GALK2: variants seen among roughly 807,000 people sequenced by gnomAD.
The protein encoded by GALK2 is N-acetylgalactosamine kinase.
Under a neutral mutation model 52.4 loss-of-function variants are expected in GALK2, and 36 were observed. That is an observed-to-expected ratio of 0.69 (90% confidence interval 0.53 to 0.91). The LOEUF is 0.91. GALK2 is among the 40% of genes least tolerant of loss of function. GALK2 has a pLI of 0.00. For missense variants in GALK2, 579 were observed against 559.1 expected, an observed-to-expected ratio of 1.04 and a Z score of -0.36; for synonymous variants, 176 against 199.1, an observed-to-expected ratio of 0.88 and a Z score of 0.98.
At chr15:49,354,188 C>T (rs546783308) in intron 3 of GALK2, among the ~76,000 whole-genome samples, 1 of 152,270 alleles carries the variant, frequency 6.6e-6, no homozygotes, top group South Asian at 2.1e-4. Flanking sequence ...TGAGTTTAAA[C>T]AAGTCATTCC....
At chr15:49,339,823 C>T (rs890601550) in intron 3 of GALK2, among the ~76,000 whole-genome samples, 12 of 152,098 alleles carry the variant, frequency 7.9e-5, no homozygotes, top group African/African-American at 1.4e-4. Flanking sequence ...ATGCCCTGCC[C>T]GTAGAGGAAT....
At chr15:49,230,088 G>T (rs2090417235) in intron 3 of GALK2, among the ~76,000 whole-genome samples, 2 of 152,172 alleles carry the variant, frequency 1.3e-5, no homozygotes, top group Non-Finnish European at 2.9e-5. Flanking sequence ...GTGTCTGTGG[G>T]TAGGGGACAT....
chr15:49,299,451 T>G (rs930681353), intron 8 of GALK2, among the ~76,000 whole-genome samples: 1 of 152,190 alleles, frequency 6.6e-6, no homozygotes, highest in East Asian at 1.9e-4. Context: ...TTGCTATTGT[T>G]TTCCTAGTTC....
At chr15:49,334,584 G>A (rs1415021892), downstream of GALK2, among the ~76,000 whole-genome samples, 1 of 152,138 alleles carries the variant, frequency 6.6e-6, no homozygotes, top group African/African-American at 2.4e-5. Flanking sequence ...AGCACAGGAA[G>A]TCTAAGGGAT....
chr15:49,180,220 A>G (rs2085854257), intron 1 of GALK2, among the ~76,000 whole-genome samples: 1 of 152,196 alleles, frequency 6.6e-6, no homozygotes, highest in Non-Finnish European at 1.5e-5. Flanking sequence ...CAGTCCTTAT[A>G]AAAACAAATT....
chr15:49,300,772 C>T (rs188782104), intron 8 of GALK2, among the ~76,000 whole-genome samples: 4 of 152,290 alleles, frequency 2.6e-5, no homozygotes, highest in Admixed American at 2.6e-4. Context: ...GTTTGCTTCT[C>T]ATTCCGCCAT....
At chr15:49,356,998 G>A (rs2043271855) in intron 3 of GALK2, among the ~76,000 whole-genome samples, 2 of 150,782 alleles carry the variant, frequency 1.3e-5, no homozygotes, top group Admixed American at 6.6e-5. Context: ...GGTACATAAC[G>A]AAATGAAGGC....
At chr15:49,324,767 T>A (rs1471954959) in intron 9 of GALK2, among the ~76,000 whole-genome samples, 1 of 152,026 alleles carries the variant, frequency 6.6e-6, no homozygotes, top group Non-Finnish European at 1.5e-5. Context: ...GCTTATATTA[T>A]ATATAATTTT....
At chr15:49,230,496 G>C (rs1302277843) in intron 3 of GALK2, among the ~76,000 whole-genome samples, 1 of 152,136 alleles carries the variant, frequency 6.6e-6, no homozygotes, top group Non-Finnish European at 1.5e-5. Context: ...GTTGAATTCA[G>C]TGTTCTCTCT....
chr15:49,287,421 A>G (rs944660605), intron 7 of GALK2, among the ~76,000 whole-genome samples: 9 of 152,244 alleles, frequency 5.9e-5, no homozygotes, highest in Non-Finnish European at 1.0e-4. Context: ...GGAAATGAAG[A>G]TAAAACTGCT....
intron 3 of GALK2, among the ~76,000 whole-genome samples, chr15:49,232,290 A>G (rs1431455527): frequency 6.6e-6 from 1 of 152,022 alleles, no homozygotes; most frequent in East Asian, 1.9e-4. Flanking sequence ...CCTTTCAGCC[A>G]CCCCTGGAGG....
At chr15:49,244,581 G>C (rs2091257752) in intron 5 of GALK2, among the ~76,000 whole-genome samples, 1 of 152,116 alleles carries the variant, frequency 6.6e-6, no homozygotes, top group Admixed American at 6.5e-5. Flanking sequence ...TGAGGGTATA[G>C]TAAAACATTT....
chr15:49,359,533 A>C (rs1445397746), intron 3 of GALK2, among the ~76,000 whole-genome samples: 4 of 117,654 alleles, frequency 3.4e-5, no homozygotes, highest in African/African-American at 6.6e-5. Context: ...TCAAAACCAC[A>C]ATGAGATACC....
At chr15:49,182,538 T>A (rs2086054094) in intron 1 of GALK2, among the ~76,000 whole-genome samples, 1 of 152,206 alleles carries the variant, frequency 6.6e-6, no homozygotes, top group South Asian at 2.1e-4. Flanking sequence ...AAGGTAGTTC[T>A]ATTTTTAATT....
intron 3 of GALK2, among the ~76,000 whole-genome samples, chr15:49,364,864 A>G (rs2044858637): frequency 6.6e-6 from 1 of 151,734 alleles, no homozygotes; most frequent in African/African-American, 2.4e-5. Flanking sequence ...TTTTTTTTTT[A>G]AGAAAAATAT....
rs764331208 is a variant in GALK2, at chr15:49,319,777, G to C, written c.1141G>C (p.Glu381Gln). The stretch of plus-strand genomic sequence containing the variant: ...GGACATGTATGAGTGCAGCTGCCCC[G>C]AGCTGGATCAGCTGGTGGACATCTG... The part of the protein sequence containing the change: ...CRDMYECSCP[E>Q]LDQLVDICRK... The change falls in exon 9 of 10, where the codon GAG becomes CAG. Residue 381 changes from glutamate (E) to glutamine (Q), a missense_variant. Transcript: ENST00000560031. 1 of 1,613,920 alleles carries C rather than the reference G, an allele frequency of 6.2e-7. No individual in the cohort carries two copies. The highest frequency in any genetic ancestry group is 8.5e-7 in the Non-Finnish European group (1 of 1,180,014).
chr15:49,228,682 T>TATATATATATATATATATACATAC (rs1555409030), intron 3 of GALK2, among the ~76,000 whole-genome samples: 1 of 14,554 alleles, frequency 6.9e-5, no homozygotes, highest in African/African-American at 2.9e-4. Flanking sequence ...TATATATATA[T>TATATATATATATATATATACATAC]ATATATTTTT....
In GALK2 at chr15:49,207,887, T is replaced by C. The variant is rs376640564; in HGVS notation, c.142+6637T>C. Among the ~76,000 whole-genome samples, 17 of 152,302 alleles carry C rather than the reference T, an allele frequency of 1.1e-4. 1 individual carries two copies. In the East Asian group the frequency reaches 3.1e-3, roughly 28 times the overall value. On this transcript the variant is annotated intron_variant, in intron 2 of 9. Transcript: ENST00000560031. ...CCACCACCCAGGTTCAAGCTTCTCCTGCCTCAGCCTGAGTAGCTAGGATTA... is the reference window on the plus strand; with the variant it reads ...CCACCACCCAGGTTCAAGCTTCTCCCGCCTCAGCCTGAGTAGCTAGGATTA...
intron 1 of GALK2, among the ~76,000 whole-genome samples, chr15:49,174,930 G>A (rs1458107667): frequency 1.3e-5 from 2 of 152,218 alleles, no homozygotes; most frequent in East Asian, 3.9e-4. Flanking sequence ...TTGTAGACCA[G>A]AAGAGAGAGT....
Sources: gnomAD v4.1 joint callset for allele counts (sites outside exome capture counted in the v4.1 genomes callset) on GRCh38, gnomAD v4.1.1 for gene constraint, MANE v1.5 for transcripts, NCBI Gene and HGNC (gene_info 2026-07-23, HGNC 2026-07-21) for gene names.